The following JADE1 variants were observed in gnomAD, a reference collection of about 807,000 sequenced individuals.
JADE1 encodes the protein protein Jade-1.
Under a neutral mutation model 81.8 loss-of-function variants are expected in JADE1, and 14 were observed. The ratio of observed to expected loss-of-function variants is 0.17; its 90% CI spans 0.11 to 0.27. JADE1 has a LOEUF of 0.27. Ranked by LOEUF, JADE1 falls within the 10% of genes least tolerant of loss-of-function variation. JADE1 has a pLI of 1.00. For missense variants in JADE1, 690 were observed against 1,047.9 expected (o/e 0.66, Z 4.71); for synonymous variants, 353 against 391.9 (o/e 0.90, Z 1.17).
At chr4:128,864,469 T>C (rs555855866) in intron 9 of JADE1, 1 of 985,250 alleles carries the variant, frequency 1.0e-6, no homozygotes, top group Non-Finnish European at 1.2e-6. Flanking sequence ...CTTATTGTAA[T>C]GAAAAAAAAT....
intron 1 of JADE1, among the ~76,000 whole-genome samples, chr4:128,822,970 G>A (rs886756430): frequency 8.6e-5 from 13 of 151,984 alleles, no homozygotes; most frequent in Non-Finnish European, 1.9e-4. Flanking sequence ...CCCCTAATAT[G>A]TCTTGGGCAT....
At chr4:128,863,783 CT>C (rs1161821943) in intron 9 of JADE1, 1 of 985,296 alleles carries the variant, frequency 1.0e-6, no homozygotes, top group Non-Finnish European at 1.2e-6. Context: ...GGTAAGAAGC[CT>C]TTATGCCAGC....
chr4:128,858,510 C>A (rs1452326281), intron 8 of JADE1, among the ~76,000 whole-genome samples: 1 of 152,076 alleles, frequency 6.6e-6, no homozygotes, highest in Non-Finnish European at 1.5e-5. Flanking sequence ...GCATGGTCAT[C>A]CTGTCAGCCA....
intron 8 of JADE1, among the ~76,000 whole-genome samples, chr4:128,859,101 G>C (rs910330588): frequency 6.6e-6 from 1 of 152,122 alleles, no homozygotes; most frequent in Admixed American, 6.5e-5. Context: ...CCTCTGGCCC[G>C]AGTTGGATTG....
At chr4:128,842,744 A>G (rs555106001) in intron 2 of JADE1, among the ~76,000 whole-genome samples, 2 of 152,326 alleles carry the variant, frequency 1.3e-5, no homozygotes, top group African/African-American at 4.8e-5. Context: ...CCTGCACAGA[A>G]TGAGCACATT....
At chr4:128,825,710 C>T (rs1036035281) in intron 1 of JADE1, among the ~76,000 whole-genome samples, 2 of 152,182 alleles carry the variant, frequency 1.3e-5, no homozygotes, top group Non-Finnish European at 1.5e-5. Context: ...TCTTGTTCAC[C>T]GTATCTCTGA....
At chr4:128,870,196 T>G (rs1449819257) in intron 10 of JADE1, among the ~76,000 whole-genome samples, 1 of 152,218 alleles carries the variant, frequency 6.6e-6, no homozygotes, top group African/African-American at 2.4e-5. Context: ...GAAGGTTGAT[T>G]CTAATGATTG....
rs1204624875 is a variant in JADE1 at position 128,846,766 on chromosome 4, G to A, written c.296+234G>A. Among the ~76,000 whole-genome samples the A allele has an allele frequency of 2.0e-5, 3 of 152,224 alleles. No individual in the cohort carries two copies. The highest frequency in any genetic ancestry group is 7.2e-5 in the African/African-American group (3 of 41,452). On this transcript the variant is annotated intron_variant, in intron 4 of 10. Transcript: ENST00000226319. This position sits in a 1 kb window ranked among gnomAD's most constrained non-coding sequence, Gnocchi z 4.0. ...ACTTAACATTACAGCCACCACTGTG[G>A]GGAGGTGCTGCTTTCTTATGAGAGG... is the stretch of plus-strand genomic sequence containing the variant.
chr4:128,826,720 T>G (rs530943591), intron 1 of JADE1, among the ~76,000 whole-genome samples: 3 of 152,268 alleles, frequency 2.0e-5, no homozygotes, highest in Admixed American at 6.5e-5. Flanking sequence ...GTTTATTTCA[T>G]ATTTGACTTG....
rs368668173 is a variant in JADE1, at chr4:128,871,660, A to G, written c.1927A>G (p.Ile643Val). The G allele has an allele frequency of 2.9e-5, 47 of 1,614,110 alleles. No homozygotes were observed. The highest frequency in any genetic ancestry group is 8.0e-5 in the African/African-American group (6 of 74,944). The change falls in exon 11 of 11, where the codon ATA becomes GTA. Residue 643 changes from isoleucine (I) to valine (V), a missense_variant. By Grantham distance (29) the Ile-to-Val change is conservative. Transcript: ENST00000226319. This position sits in a 1 kb window ranked among gnomAD's most constrained non-coding sequence, Gnocchi z 4.1. ...LEKTFAEARL[I>V]SAQQKNGVVM... ...AAAGACCTTTGCAGAAGCACGTCTC[A>G]TATCAGCACAACAGAAAAATGGTGT...
At chr4:128,820,523 T>C (rs1451313715) in intron 1 of JADE1, among the ~76,000 whole-genome samples, 1 of 152,196 alleles carries the variant, frequency 6.6e-6, no homozygotes, top group African/African-American at 2.4e-5. Context: ...AGACCTTGCT[T>C]CTAGGTTTGA....
rs747883572 is a variant in JADE1, at chr4:128,849,027, A to G, written c.344A>G (p.Tyr115Cys). Residue 115 changes from tyrosine (Y) to cysteine (C), a missense_variant, in exon 5 of 11, where the codon TAC becomes TGC. Physicochemically the swap from Tyr to Cys is radical, Grantham distance 194. This residue lies in a region of JADE1 where 98 missense variants were observed against 161.3 expected (regional missense o/e 0.61). Transcript: ENST00000226319. ...CTCATGTTCATCAGGCCCAAGAAGT[A>G]CATCGTGTCATCAGGCTCTGAGCCT... The part of the protein sequence containing the change: ...KSLMFIRPKK[Y>C]IVSSGSEPPE... The G allele has an allele frequency of 9.9e-6, 16 of 1,614,072 alleles. No homozygotes were observed. The highest frequency in any genetic ancestry group is 1.4e-5 in the Non-Finnish European group (16 of 1,179,990).
intron 1 of JADE1, among the ~76,000 whole-genome samples, chr4:128,821,768 C>T (rs533650900): frequency 7.9e-5 from 12 of 152,220 alleles, no homozygotes; most frequent in African/African-American, 2.6e-4. Context: ...TAATCTGGCC[C>T]GCCTCGGCCT....
Position 128,861,925 on chromosome 4 carries a change from C to T in JADE1, c.1203C>T (p.Ala401=), listed in dbSNP as rs750314437. The T allele has an allele frequency of 4.3e-6, 7 of 1,614,084 alleles. No individual in the cohort carries two copies. The highest frequency in any genetic ancestry group is 1.1e-5 in the South Asian group (1 of 91,086). ...CSPRNPLEPF[A]SLEQNREEAH... The stretch of plus-strand genomic sequence containing the variant: ...CCCGGAATCCGCTGGAGCCCTTTGC[C>T]AGCCTTGAGCAGAACCGGGAGGAGG... Residue 401 remains alanine, a synonymous_variant, in exon 9 of 11, where the codon GCC becomes GCT. Transcript: ENST00000226319.
intron 1 of JADE1, among the ~76,000 whole-genome samples, chr4:128,815,186 C>T (rs959167433): frequency 6.6e-6 from 1 of 151,750 alleles, no homozygotes; most frequent in African/African-American, 2.4e-5. Flanking sequence ...CTGTAAGCTC[C>T]GCCTCGCGGG....
chr4:128,812,821 A>C (rs189649102), intron 1 of JADE1, among the ~76,000 whole-genome samples: 12 of 152,182 alleles, frequency 7.9e-5, no homozygotes, highest in Admixed American at 7.8e-4. Flanking sequence ...GTCGCCCTCT[A>C]TTTGCCCCGG....
chr4:128,863,250 G>A, intron 9 of JADE1: 1 of 985,514 alleles, frequency 1.0e-6, no homozygotes, highest in Non-Finnish European at 1.2e-6. Context: ...GTAGTTTCTG[G>A]CTGAGGCTTG....
intron 9 of JADE1, among the ~76,000 whole-genome samples, chr4:128,865,893 G>T (rs903452481): frequency 6.6e-6 from 1 of 152,232 alleles, no homozygotes; most frequent in East Asian, 1.9e-4. Context: ...TCTATTACAT[G>T]TCTGATTTGA....
rs1333527840 is a variant in JADE1 at position 128,857,460 on chromosome 4, T to C, written c.981+6T>C. 10 of 1,601,108 alleles carry C rather than the reference T, an allele frequency of 6.2e-6. No homozygotes were observed. The highest frequency in any genetic ancestry group is 6.8e-6 in the Non-Finnish European group (8 of 1,168,388). ...AGTTTGGGGCCTCTATACAGGTAAT[T>C]AGCTTCCTAAGAATGGCTTCATTTT... On this transcript the variant is annotated splice_donor_region_variant and intron_variant, in intron 8 of 10. Coordinates refer to ENST00000226319, the MANE Select transcript of JADE1 (RefSeq NM_199320.4).
Sources: allele counts gnomAD v4.1 joint callset (sites outside exome capture counted in the v4.1 genomes callset), GRCh38; gene constraint gnomAD v4.1.1; regional missense constraint gnomAD v4.1.1; non-coding constraint Gnocchi (gnomAD v3.1); transcripts MANE v1.5; gene names NCBI Gene and HGNC (gene_info 2026-07-23, HGNC 2026-07-21).